The following MSANTD1 variants were observed in gnomAD, a reference collection of about 807,000 sequenced individuals.
The protein encoded by MSANTD1 is myb/SANT-like DNA-binding domain-containing protein 1.
In MSANTD1, 7 loss-of-function variants were observed where a neutral mutation model predicts 24.2. That is an observed-to-expected ratio of 0.29 (90% CI 0.16 to 0.54). The LOEUF is 0.54. Ranked by LOEUF, MSANTD1 falls within the 20% of genes least tolerant of loss-of-function variation. The pLI, the probability that MSANTD1 is intolerant of heterozygous loss-of-function variation, is 0.94. For synonymous variants in MSANTD1, 177 were observed against 181.1 expected (o/e 0.98, Z 0.18); for missense variants, 384 against 408.2 (o/e 0.94, Z 0.51).
upstream of MSANTD1, chr4:3,247,809 G>A (rs1722078089): frequency 6.7e-6 from 1 of 149,814 alleles, no homozygotes; most frequent in African/African-American, 2.5e-5. Flanking sequence ...CCCTATGCTG[G>A]GCACCCACAG....
At chr4:3,251,088 G>A (rs1001716080) in intron 1 of MSANTD1, among the ~76,000 whole-genome samples, 9 of 152,234 alleles carry the variant, frequency 5.9e-5, no homozygotes, top group East Asian at 1.9e-4. Flanking sequence ...GGCTTGCGAC[G>A]TGAGGGCTGA....
chr4:3,251,407 G>C (rs964034572), intron 1 of MSANTD1, among the ~76,000 whole-genome samples: 1 of 152,246 alleles, frequency 6.6e-6, no homozygotes, highest in African/African-American at 2.4e-5. Context: ...GTGCAGCAGA[G>C]TGGGGGCCTC....
chr4:3,247,060 G>A, upstream of MSANTD1, among the ~76,000 whole-genome samples: 1 of 152,156 alleles, frequency 6.6e-6, no homozygotes, highest in Admixed American at 6.5e-5. Flanking sequence ...GCCAGCAGCT[G>A]CCCCTTCAGC....
chr4:3,254,924 T>G (rs1722340295), intron 2 of MSANTD1, among the ~76,000 whole-genome samples: 1 of 152,148 alleles, frequency 6.6e-6, no homozygotes, highest in African/African-American at 2.4e-5. Context: ...TAAGGCCGGG[T>G]GGGGCTGGTG....
At chr4:3,248,976 G>T, upstream of MSANTD1, 1 of 375,040 alleles carries the variant, frequency 2.7e-6, no homozygotes, top group Non-Finnish European at 4.7e-6. Context: ...GAGCCGGGCC[G>T]CTGGGTTTGG....
intron 1 of MSANTD1, among the ~76,000 whole-genome samples, chr4:3,250,033 G>A (rs1722172265): frequency 6.6e-6 from 1 of 152,204 alleles, no homozygotes; most frequent in Non-Finnish European, 1.5e-5. Context: ...CTGCAAGTGA[G>A]AAGGAGGCTC....
upstream of MSANTD1, among the ~76,000 whole-genome samples, chr4:3,247,181 C>T (rs1722056131): frequency 6.6e-6 from 1 of 152,142 alleles, no homozygotes; most frequent in Non-Finnish European, 1.5e-5. Flanking sequence ...GAGGGCTGTG[C>T]CCCCTTAGCC....
At position 3,255,986 on chromosome 4, in the gene MSANTD1, GC is replaced by G; in HGVS notation, c.*22del. On this transcript the variant is annotated 3_prime_UTR_variant, in exon 3 of 3. Transcript: ENST00000438480. The stretch of plus-strand genomic sequence containing the variant: ...TCTAGGCCAGCAGGCGGCGGCGGCG[GC>G]GGGGCCGGGCGGCTGGTGGTACTGC... The G allele has an allele frequency of 6.7e-7, 1 of 1,485,162 alleles. No homozygotes were observed. 92.0% of individuals were successfully genotyped at this position (1,485,162 alleles called of 1,614,324 possible).
upstream of MSANTD1, chr4:3,245,543 C>G (rs2110315512): frequency 6.6e-6 from 1 of 152,362 alleles, no homozygotes; most frequent in South Asian, 2.1e-4. Flanking sequence ...GGGGTGCACC[C>G]CTCAGGGAAG....
At chr4:3,250,530 G>A (rs756967975) in intron 1 of MSANTD1, among the ~76,000 whole-genome samples, 3 of 152,172 alleles carry the variant, frequency 2.0e-5, no homozygotes, top group Non-Finnish European at 2.9e-5. Context: ...ATAGGTGTGC[G>A]GTGAAGGTCA....
chr4:3,245,667 C>T (rs1722000934), upstream of MSANTD1, among the ~76,000 whole-genome samples: 1 of 152,204 alleles, frequency 6.6e-6, no homozygotes. Context: ...ATCACCAGGA[C>T]CTCTTTTGGG....
Position 3,252,776 on chromosome 4 carries a change from A to G in MSANTD1, c.321-431A>G, listed in dbSNP as rs370282767. Reference sequence around the variant, plus strand: ...AACAACACAGTTATTATATTACAAAATATTATCACTATATTTATATATCTT... The same window carrying G: ...AACAACACAGTTATTATATTACAAAGTATTATCACTATATTTATATATCTT... On this transcript the variant is annotated intron_variant, in intron 1 of 2. Coordinates refer to ENST00000438480, the MANE Select transcript of MSANTD1 (RefSeq NM_001042690.2). 1.1e-4 allele frequency among the ~76,000 whole-genome samples: 17 copies of G among 152,374 alleles called. No homozygotes were observed. In the East Asian group the frequency reaches 2.1e-3, roughly 19 times the overall value.
At chr4:3,246,058 T>G (rs889384588), upstream of MSANTD1, among the ~76,000 whole-genome samples, 12 of 152,160 alleles carry the variant, frequency 7.9e-5, no homozygotes, top group African/African-American at 2.7e-4. Context: ...CTGTACCCTC[T>G]GGACAGCCCA....
intron 2 of MSANTD1, 46 bp downstream of exon 2, chr4:3,253,528 C>T (rs368663951): frequency 2.3e-4 from 331 of 1,446,994 alleles, no homozygotes; most frequent in Middle Eastern, 1.3e-3. Flanking sequence ...TATCTCAGCC[C>T]CCACCATTTA....
rs185708320 is a variant in MSANTD1 at position 3,253,887 on chromosome 4, C to T, written c.596+405C>T. Among the ~76,000 whole-genome samples the T allele has an allele frequency of 9.2e-5, 14 of 152,384 alleles. No homozygotes were observed. The East Asian group carries it at 2.7e-3, about 29-fold the overall frequency. Reference sequence around the variant, plus strand: ...GCCCCCTGGCCTCCCTTAGCCCACACAGACCCCACCCTCACAGGCTAGCTG... The same window carrying T: ...GCCCCCTGGCCTCCCTTAGCCCACATAGACCCCACCCTCACAGGCTAGCTG... On this transcript the variant is annotated intron_variant, in intron 2 of 2. Coordinates refer to ENST00000438480, the MANE Select transcript of MSANTD1 (RefSeq NM_001042690.2).
At chr4:3,250,804 C>T (rs1454871211) in intron 1 of MSANTD1, among the ~76,000 whole-genome samples, 1 of 152,156 alleles carries the variant, frequency 6.6e-6, no homozygotes, top group Non-Finnish European at 1.5e-5. Flanking sequence ...GTGGGAGAGG[C>T]CACCCCCACT....
At chr4:3,255,302 C>T (rs1722352966) in intron 2 of MSANTD1, among the ~76,000 whole-genome samples, 1 of 151,626 alleles carries the variant, frequency 6.6e-6, no homozygotes, top group South Asian at 2.1e-4. Context: ...TGGCTCACTG[C>T]AACCTCCGCC....
intron 1 of MSANTD1, among the ~76,000 whole-genome samples, chr4:3,251,127 C>T (rs991229219): frequency 1.3e-5 from 2 of 152,318 alleles, no homozygotes; most frequent in East Asian, 1.9e-4. Flanking sequence ...TTCAGAGGTT[C>T]GGTGGACACA....
chr4:3,253,127 G>A (rs1722279402), intron 1 of MSANTD1, 80 bp from the exon 2 acceptor site: 16 of 1,383,998 alleles, frequency 1.2e-5, no homozygotes, highest in South Asian at 8.6e-5. Context: ...GGCGTGGCGC[G>A]CCCCTCTGCT....
Sources: allele counts gnomAD v4.1 joint callset (sites outside exome capture counted in the v4.1 genomes callset), GRCh38; gene constraint gnomAD v4.1.1; transcripts MANE v1.5; gene names NCBI Gene and HGNC (gene_info 2026-07-23, HGNC 2026-07-21).